Variants in CDKAL1 observed in about 807,000 individuals in gnomAD.
CDKAL1 encodes CDKAL1 threonylcarbamoyladenosine tRNA methylthiotransferase.
CDKAL1 carries 32 observed loss-of-function variants against 68.2 expected under a neutral mutation model. That is an observed-to-expected ratio of 0.47 (90% CI 0.35 to 0.63). The LOEUF is 0.63. Ranked by LOEUF, CDKAL1 falls within the 30% of genes least tolerant of loss-of-function variation. The pLI is 0.00. For missense variants in CDKAL1, 606 were observed against 696.7 expected (o/e 0.87, Z 1.47); for synonymous variants, 234 against 244.3 (o/e 0.96, Z 0.39).
At chr6:20,551,200 G>A (rs910472743) in intron 4 of CDKAL1, among the ~76,000 whole-genome samples, 1 of 151,990 alleles carries the variant, frequency 6.6e-6, no homozygotes, top group African/African-American at 2.4e-5. Context: ...CACATATGCA[G>A]TGAAGTCCTT....
At chr6:21,001,801 A>T (rs1767439757) in intron 11 of CDKAL1, among the ~76,000 whole-genome samples, 1 of 152,232 alleles carries the variant, frequency 6.6e-6, no homozygotes, top group African/African-American at 2.4e-5. Flanking sequence ...GAATATTTTC[A>T]AAATTTCAAG....
At chr6:21,135,729 A>T (rs1185805156) in intron 13 of CDKAL1, 8 of 983,092 alleles carry the variant, frequency 8.1e-6, no homozygotes, top group Non-Finnish European at 9.7e-6. Context: ...AAGGTATTCT[A>T]AACCAAACCA....
chr6:20,767,862 A>G (rs1774768729), intron 7 of CDKAL1, among the ~76,000 whole-genome samples: 1 of 152,202 alleles, frequency 6.6e-6, no homozygotes. Context: ...GAGAGACTAA[A>G]TACCAATTTC....
In CDKAL1 at chr6:20,936,813, G is replaced by T. The variant is rs187153350; in HGVS notation, c.743-18606G>T. 3.6e-4 allele frequency among the ~76,000 whole-genome samples: 55 copies of T among 152,230 alleles called. 1 individual carries two copies. The highest frequency in any genetic ancestry group is 1.2e-3 in the African/African-American group (51 of 41,550). On this transcript the variant is annotated intron_variant, in intron 9 of 15. Transcript: ENST00000274695. ...CCATAACAGTAGCCACTTTAAATCAGGAAACTTTGACTCCGTGCTGAGGAA... is the reference window on the plus strand; with the variant it reads ...CCATAACAGTAGCCACTTTAAATCATGAAACTTTGACTCCGTGCTGAGGAA...
intron 8 of CDKAL1, among the ~76,000 whole-genome samples, chr6:20,798,072 T>C (rs968918065): frequency 3.3e-5 from 5 of 152,034 alleles, no homozygotes; most frequent in Admixed American, 2.0e-4. Context: ...CACCTCGGCC[T>C]CCCAAAGTGC....
In CDKAL1 at chr6:21,069,804, T is replaced by TTTTTTAAAA. The variant is rs60342057; in HGVS notation, c.1236+4576_1236+4577insTTTTTAAAA. The stretch of plus-strand genomic sequence containing the variant: ...TTTTTTTTTTTTTTTTTTTTTTTTT[T>TTTTTTAAAA]AAAACAGAGCCTTGCTCTGTCACCC... On this transcript the variant is annotated intron_variant, in intron 12 of 15. Transcript: ENST00000274695. Among the ~76,000 whole-genome samples the TTTTTTAAAA allele has an allele frequency of 2.9e-4, 25 of 85,514 alleles. 3 individuals carry two copies. The highest frequency in any genetic ancestry group is 8.1e-4 in the East Asian group (2 of 2,468). 56.1% of individuals were successfully genotyped at this position (85,514 alleles called of 152,430 possible).
intron 12 of CDKAL1, among the ~76,000 whole-genome samples, chr6:21,091,889 T>C (rs1773033019): frequency 7.9e-5 from 2 of 25,258 alleles, no homozygotes; most frequent in South Asian, 1.5e-3. Flanking sequence ...TTTTTTTTTT[T>C]TTTTTTTTTT....
chr6:20,672,306 C>G (rs1769880788), intron 5 of CDKAL1, among the ~76,000 whole-genome samples: 1 of 148,902 alleles, frequency 6.7e-6, no homozygotes, highest in Non-Finnish European at 1.5e-5. Flanking sequence ...CTCCCTCTCC[C>G]TCTCCCTCTC....
chr6:21,231,958 T>C lies in CDKAL1; in HGVS notation c.*919T>C, dbSNP rs1044690054. On this transcript the variant is annotated 3_prime_UTR_variant, in exon 16 of 16. Coordinates refer to ENST00000274695, the MANE Select transcript of CDKAL1 (RefSeq NM_017774.3). ...AAAACTGGATTTGTCGAAAACTAATTGTGCCCATTTTCTCACATTTTTGAT... is the reference window on the plus strand; with the variant it reads ...AAAACTGGATTTGTCGAAAACTAATCGTGCCCATTTTCTCACATTTTTGAT... The C allele has an allele frequency of 6.6e-6, 1 of 151,818 alleles. No homozygotes were observed. Among genetic ancestry groups the C allele is most frequent in the Non-Finnish European group, 1.5e-5 (1 of 67,946 alleles). The allele number at this position is 151,818 out of a possible 1,614,324, so 9.4% of individuals were successfully genotyped here. A position where few individuals can be genotyped will look rare whatever the true frequency, so the allele number is the denominator to read the frequency against.
chr6:20,564,540 C>G (rs944878093), intron 4 of CDKAL1, among the ~76,000 whole-genome samples: 10 of 151,986 alleles, frequency 6.6e-5, no homozygotes, highest in African/African-American at 1.2e-4. Context: ...TTACTAGGAC[C>G]AGGTTTCATT....
intron 5 of CDKAL1, among the ~76,000 whole-genome samples, chr6:20,655,034 A>G (rs74495957): frequency 0.019 from 2,916 of 152,268 alleles, 91 homozygotes; most frequent in African/African-American, 0.064. Context: ...CAACTCTTCT[A>G]TCCTGACTTT....
chr6:21,069,774 CTTTTTTTTT>C (rs60241965), intron 12 of CDKAL1, among the ~76,000 whole-genome samples: 3 of 69,920 alleles, frequency 4.3e-5, no homozygotes, highest in African/African-American at 5.9e-5. Context: ...GATTTTCTTT[CTTTTTTTTT>C]TTTTTTTTTT....
At chr6:20,607,185 A>C (rs1766370053) in intron 4 of CDKAL1, among the ~76,000 whole-genome samples, 1 of 152,220 alleles carries the variant, frequency 6.6e-6, no homozygotes, top group African/African-American at 2.4e-5. Flanking sequence ...TTTTAGAAGT[A>C]GTTTCTTCTG....
At chr6:20,715,244 T>G (rs1420221240) in intron 5 of CDKAL1, among the ~76,000 whole-genome samples, 1 of 152,214 alleles carries the variant, frequency 6.6e-6, no homozygotes, top group Non-Finnish European at 1.5e-5. Flanking sequence ...GTTTTATCCT[T>G]TATGTATTAT....
At chr6:21,214,307 G>A (rs12527686) in intron 15 of CDKAL1, among the ~76,000 whole-genome samples, 21,840 of 149,128 alleles carry the variant, frequency 0.15, 1,866 homozygotes, top group Non-Finnish European at 0.18. Flanking sequence ...TTGTTCAAAT[G>A]TTATTTTATA....
At chr6:20,812,354 C>T (rs1033603783) in intron 8 of CDKAL1, among the ~76,000 whole-genome samples, 2 of 152,092 alleles carry the variant, frequency 1.3e-5, no homozygotes, top group Non-Finnish European at 2.9e-5. Context: ...TGCTTATTGG[C>T]TAGTGGAGGC....
chr6:20,588,324 T>G (rs956041888), intron 4 of CDKAL1, among the ~76,000 whole-genome samples: 6 of 152,362 alleles, frequency 3.9e-5, no homozygotes, highest in African/African-American at 1.2e-4. Flanking sequence ...AAGAGTATAT[T>G]CTTCAAAGCT....
chr6:20,688,241 A>C (rs1309935840), intron 5 of CDKAL1, among the ~76,000 whole-genome samples: 2 of 150,988 alleles, frequency 1.3e-5, no homozygotes, highest in Admixed American at 1.3e-4. Flanking sequence ...CTTGGCATTC[A>C]CAGTCTCCTG....
chr6:20,688,246 C>T (rs763074903), intron 5 of CDKAL1, among the ~76,000 whole-genome samples: 3 of 151,830 alleles, frequency 2.0e-5, no homozygotes, highest in Admixed American at 6.6e-5. Flanking sequence ...CATTCACAGT[C>T]TCCTGAATCT....
Sources: gnomAD v4.1 joint callset for allele counts (sites outside exome capture counted in the v4.1 genomes callset) on GRCh38, gnomAD v4.1.1 for gene constraint, MANE v1.5 for transcripts, NCBI Gene and HGNC (gene_info 2026-07-23, HGNC 2026-07-21) for gene names.